BRCA1: variants seen among roughly 807,000 people sequenced by gnomAD.
BRCA1 encodes BRCA1 DNA repair associated.
BRCA1 carries 140 observed loss-of-function variants against 173.7 expected under a neutral mutation model. The observed-to-expected ratio is 0.81, with a 90% CI of 0.70 to 0.93. The LOEUF (loss-of-function observed/expected upper bound fraction) is 0.93, where lower values mean the gene tolerates loss of function less well. Ranked by LOEUF, BRCA1 falls within the 40% of genes least tolerant of loss-of-function variation. The pLI is 0.00. For synonymous variants in BRCA1, 662 were observed against 756.0 expected (o/e 0.88, Z 2.04); for missense variants, 1,983 against 2,172.5 (o/e 0.91, Z 1.73).
chr17:43,161,046 TCTAA>T (rs1482772548), intron 1 of BRCA1: 3 of 152,302 alleles, frequency 2.0e-5, no homozygotes, highest in Non-Finnish European at 2.9e-5. Flanking sequence ...TTGTCATATC[TCTAA>T]CTATGTCTTC....
chr17:43,135,491 A>T (rs1308669527), intron 1 of BRCA1, among the ~76,000 whole-genome samples: 3 of 152,216 alleles, frequency 2.0e-5, no homozygotes, highest in African/African-American at 4.8e-5. Flanking sequence ...TAAGGAGCTT[A>T]TTGAGCTATC....
rs1315262605 is a variant in BRCA1 at position 43,124,081 on chromosome 17, G to A, written c.16C>T (p.Leu6Phe). 3 of 1,613,408 alleles carry A rather than the reference G, an allele frequency of 1.9e-6. No individual in the cohort carries two copies. The highest frequency in any genetic ancestry group is 2.5e-6 in the Non-Finnish European group (3 of 1,179,524). ...ACATTTTGTACTTCTTCAACGCGAAGAGCAGATAAATCCATTTCTTTCTGT... is the reference window on the plus strand; with the variant it reads ...ACATTTTGTACTTCTTCAACGCGAAAAGCAGATAAATCCATTTCTTTCTGT... The part of the protein sequence containing the change: MDLSA[L>F]RVEEVQNVIN... Residue 6 changes from leucine (L) to phenylalanine (F), a missense_variant, in exon 2 of 23, where the codon CTT becomes TTT. Transcript: ENST00000357654.
chr17:43,069,633 G>T (rs1463183400), intron 15 of BRCA1, among the ~76,000 whole-genome samples: 1 of 152,168 alleles, frequency 6.6e-6, no homozygotes, highest in African/African-American at 2.4e-5. Context: ...GTCTGGACAT[G>T]GGATTATGAG....
chr17:43,123,339 G>C (rs750065093), intron 2 of BRCA1, among the ~76,000 whole-genome samples: 18 of 146,800 alleles, frequency 1.2e-4, no homozygotes, highest in Non-Finnish European at 2.7e-4. Context: ...CAACGACACC[G>C]ATCATCCATG....
rs201060127 is a variant in BRCA1 at position 43,099,409 on chromosome 17, TAC to T, written c.547+364_547+365del. ...CCTCAGCCTCCCGAGTAGCTGGGAT[TAC>T]AGTTATGTGCCACCACACCTGGCTA... is the stretch of plus-strand genomic sequence containing the variant. On this transcript the variant is annotated intron_variant, in intron 7 of 22. Transcript: ENST00000357654. 8.1e-3 allele frequency among the ~76,000 whole-genome samples: 1,232 copies of T among 152,076 alleles called. 17 individuals carry two copies. Among genetic ancestry groups the T allele is most frequent in the African/African-American group, 0.028 (1,161 of 41,490 alleles).
At chr17:43,109,162 T>C (rs956188003) in intron 3 of BRCA1, among the ~76,000 whole-genome samples, 32 of 152,014 alleles carry the variant, frequency 2.1e-4, no homozygotes, top group Non-Finnish European at 1.5e-5. Context: ...CTGGGCTACT[T>C]TCTATCTTTA....
chr17:43,147,938 C>T lies in BRCA1; in HGVS notation c.-20+22188G>A, dbSNP rs1307543719. On this transcript the variant is annotated intron_variant, in intron 1 of 7. Transcript: ENST00000634433. Reference sequence around the variant, plus strand: ...CAAACTTTCCCCTTCCTATCCCTCCCCACCTCTGGAAAGGGCTGGGGACAG... The same window carrying T: ...CAAACTTTCCCCTTCCTATCCCTCCTCACCTCTGGAAAGGGCTGGGGACAG... Among the ~76,000 whole-genome samples, 6 of 152,198 alleles carry T rather than the reference C, an allele frequency of 3.9e-5. No homozygotes were observed. The East Asian group carries it at 1.2e-3, about 29-fold the overall frequency.
intron 3 of BRCA1, among the ~76,000 whole-genome samples, chr17:43,113,658 C>T (rs921232494): frequency 2.0e-5 from 3 of 152,042 alleles, no homozygotes; most frequent in Admixed American, 1.3e-4. Flanking sequence ...TGAGCCACCG[C>T]GCCCGTCCTC....
chr17:43,072,263 C>T lies in BRCA1; in HGVS notation c.4676-1025G>A, dbSNP rs138082324. Among the ~76,000 whole-genome samples, 1,533 of 151,704 alleles carry T rather than the reference C, an allele frequency of 0.01. 42 individuals carry two copies. Among genetic ancestry groups the T allele is most frequent in the African/African-American group, 0.035 (1,447 of 41,288 alleles). On this transcript the variant is annotated intron_variant, in intron 14 of 22. Transcript: ENST00000357654. ...AATTAGCCGGGCGTGGTGGTGCATG[C>T]CTGTAATCCCAGCTACTGGGGAGGC...
chr17:43,115,042 C>T (rs1472675220), intron 3 of BRCA1, among the ~76,000 whole-genome samples: 2 of 152,138 alleles, frequency 1.3e-5, no homozygotes, highest in Non-Finnish European at 2.9e-5. Context: ...CGGGCAAACA[C>T]TGACCCTTAG....
chr17:43,077,743 AT>A lies in BRCA1; in HGVS notation c.4358-1130del, dbSNP rs8176205. On this transcript the variant is annotated intron_variant, in intron 12 of 22. Transcript: ENST00000357654. The stretch of plus-strand genomic sequence containing the variant: ...CTTATTTATTTATTTTTATTTATTT[AT>A]TTTTTTTGAGATGGAGTTTGCTCTT... Among the ~76,000 whole-genome samples, 47,920 of 102,390 alleles carry A rather than the reference AT, an allele frequency of 0.47. 7,887 individuals are homozygous for A. Among genetic ancestry groups the A allele is most frequent in the South Asian group, 0.62 (2,362 of 3,790 alleles). The allele number at this position is 102,390 out of a possible 152,430, so 67.2% of individuals were successfully genotyped here. A position where few individuals can be genotyped will look rare whatever the true frequency, so the allele number is the denominator to read the frequency against.
intron 5 of BRCA1, 38 bp downstream of exon 5, chr17:43,104,830 A>T (rs2154551290): frequency 6.4e-7 from 1 of 1,552,296 alleles, no homozygotes; most frequent in Middle Eastern, 1.7e-4. Context: ...TTTCATGGAC[A>T]GCACTTGAGT....
At chr17:43,144,913 C>T in intron 1 of BRCA1, 7 of 562,390 alleles carry the variant, frequency 1.2e-5, no homozygotes, top group South Asian at 7.8e-5. Flanking sequence ...GTAGGCACAC[C>T]GCGGCCAGCA....
chr17:43,159,120 G>A (rs905362547), intron 1 of BRCA1, among the ~76,000 whole-genome samples: 2 of 152,262 alleles, frequency 1.3e-5, no homozygotes, highest in African/African-American at 4.8e-5. Flanking sequence ...GCATGGTGAT[G>A]CACACCTGTA....
intron 1 of BRCA1, chr17:43,168,061 C>T (rs1359528131): frequency 4.9e-6 from 1 of 203,158 alleles, no homozygotes; most frequent in Non-Finnish European, 1.0e-5. Flanking sequence ...ATAGCCTAAT[C>T]TTATTAGACA....
chr17:43,094,618 A>G lies in BRCA1; in HGVS notation c.913T>C (p.Cys305Arg), dbSNP rs1597879229. 6.2e-7 allele frequency: 1 copy of G among 1,614,192 alleles called. No homozygotes were observed. Among genetic ancestry groups the G allele is most frequent in the African/African-American group, 1.3e-5 (1 of 75,056 alleles). Residue 305 changes from cysteine (C) to arginine (R), a missense_variant, in exon 10 of 23, where the codon TGT becomes CGT. Physicochemically the swap from Cys to Arg is radical, Grantham distance 180. Transcript: ENST00000357654. ...DRMNVEKAEF[C>R]NKSKQPGLAR... ...AAGCCAGGCTGTTTGCTTTTATTACAGAATTCAGCCTTTTCTACATTCATT... is the reference window on the plus strand; with the variant it reads ...AAGCCAGGCTGTTTGCTTTTATTACGGAATTCAGCCTTTTCTACATTCATT...
rs578032709 is a variant in BRCA1 at position 43,054,161 on chromosome 17, G to T, written c.5277+2891C>A. Among the ~76,000 whole-genome samples, 510 of 152,230 alleles carry T rather than the reference G, an allele frequency of 3.4e-3. 1 individual carries two copies. The highest frequency in any genetic ancestry group is 5.6e-3 in the Non-Finnish European group (382 of 68,004). On this transcript the variant is annotated intron_variant, in intron 19 of 22. Transcript: ENST00000357654. ...TCTTTTTAAAGAGGGGAAGAATCTG[G>T]TGCTAATACTGCCTAGCATACAGTG...
chr17:43,092,817 T>G lies in BRCA1; in HGVS notation c.2714A>C (p.Gln905Pro). Residue 905 changes from glutamine to proline, a missense_variant, in exon 10 of 23, where the codon CAA becomes CCA. Physicochemically the swap from Gln to Pro is moderately conservative, Grantham distance 76 (BLOSUM62 -1). Coordinates refer to ENST00000357654, the MANE Select transcript of BRCA1 (RefSeq NM_007294.4). ...QSPKVTFECE[Q>P]KEENQGKNES... ...ATTCTTTCCTTGATTTTCTTCCTTT[T>G]GTTCACATTCAAAAGTGACTTTTGG... 6.2e-7 allele frequency: 1 copy of G among 1,614,052 alleles called. No individual in the cohort carries two copies. The highest frequency in any genetic ancestry group is 2.2e-5 in the East Asian group (1 of 44,880).
At chr17:43,079,123 G>T (rs562207926) in intron 12 of BRCA1, among the ~76,000 whole-genome samples, 152 of 151,996 alleles carry the variant, frequency 1.0e-3, no homozygotes, top group Non-Finnish European at 1.5e-3. Context: ...GTAATGAGCC[G>T]AAATCACACC....
Sources: allele counts gnomAD v4.1 joint callset (sites outside exome capture counted in the v4.1 genomes callset), GRCh38; gene constraint gnomAD v4.1.1; transcripts MANE v1.5; gene names NCBI Gene and HGNC (gene_info 2026-07-23, HGNC 2026-07-21).